C2orf42: variants seen among roughly 807,000 people sequenced by gnomAD.
The protein encoded by C2orf42 is uncharacterized protein C2orf42.
Under a neutral mutation model 58.9 loss-of-function variants are expected in C2orf42, and 44 were observed. The observed-to-expected ratio is 0.75, with a 90% CI of 0.59 to 0.96. The LOEUF (loss-of-function observed/expected upper bound fraction) is 0.96. C2orf42 is among the 40% of genes least tolerant of loss of function. C2orf42 has a pLI of 0.00. For missense variants in C2orf42, 630 were observed against 699.2 expected, an observed-to-expected ratio of 0.90 and a Z score of 1.12; for synonymous variants, 239 against 265.4, an observed-to-expected ratio of 0.90 and a Z score of 0.97.
intron 9 of C2orf42, among the ~76,000 whole-genome samples, chr2:70,154,084 C>A (rs1404905932): frequency 4.1e-4 from 56 of 137,468 alleles, no homozygotes; most frequent in African/African-American, 1.2e-3. Context: ...AAAAAAAAAA[C>A]ACAGAAATTT....
intron 9 of C2orf42, among the ~76,000 whole-genome samples, chr2:70,160,365 ACTC>A (rs1341577894): frequency 6.6e-6 from 1 of 151,514 alleles, no homozygotes; most frequent in Admixed American, 6.6e-5. Flanking sequence ...TGGTCTCAAA[ACTC>A]CTAACGTCAA....
intron 9 of C2orf42, among the ~76,000 whole-genome samples, chr2:70,155,777 G>A (rs1672628301): frequency 6.6e-6 from 1 of 150,828 alleles, no homozygotes; most frequent in Non-Finnish European, 1.5e-5. Context: ...TCCAGCCTGG[G>A]TGACAGAGTG....
In C2orf42 at chr2:70,173,267, C is replaced by CTTTT. The variant is rs202063318; in HGVS notation, c.1039+2402_1039+2405dup. On this transcript the variant is annotated intron_variant, in intron 5 of 9. Coordinates refer to ENST00000264434, the MANE Select transcript of C2orf42 (RefSeq NM_017880.3). ...CCTAGAATGCCTAAGTGCGTAAGTT[C>CTTTT]TTTTTTTTTTTTTTTTTTTTTTTTG... 3.6e-3 allele frequency among the ~76,000 whole-genome samples: 345 copies of CTTTT among 95,722 alleles called. 13 individuals carry two copies. Among genetic ancestry groups the CTTTT allele is most frequent in the African/African-American group, 0.012 (256 of 21,396 alleles). The allele number at this position is 95,722 out of a possible 152,430, so 62.8% of individuals were successfully genotyped here. A position where few individuals can be genotyped will look rare whatever the true frequency, so the allele number is the denominator to read the frequency against.
Position 70,150,539 on chromosome 2 carries a change from C to G in C2orf42, c.1542G>C (p.Glu514Asp). The change falls in exon 10 of 10, where the codon GAG becomes GAC. Residue 514 changes from glutamate to aspartate, a missense_variant. Physicochemically the swap from Glu to Asp is conservative, Grantham distance 45. Transcript: ENST00000264434. ...KVGNTSPDQK[E>D]PTPFIIEWIP... is the part of the protein sequence containing the mutation. ...TCCACTCGATGATGAAAGGTGTTGG[C>G]TCCTTTTGATCTGGGGAAGTGTTGC... The G allele has an allele frequency of 6.2e-7, 1 of 1,613,830 alleles. No homozygotes were observed.
At chr2:70,189,551 A>G (rs1261551308) in intron 1 of C2orf42, among the ~76,000 whole-genome samples, 1 of 146,522 alleles carries the variant, frequency 6.8e-6, no homozygotes, top group Non-Finnish European at 1.5e-5. Flanking sequence ...CCCTGTCTCT[A>G]CTAAAAATAC....
intron 1 of C2orf42, among the ~76,000 whole-genome samples, chr2:70,185,756 C>CACAT (rs1454154293): frequency 6.6e-6 from 1 of 150,942 alleles, no homozygotes; most frequent in Non-Finnish European, 1.5e-5. Context: ...AACACACACA[C>CACAT]ACATACATAT....
Position 70,165,187 on chromosome 2 carries a change from CA to C in C2orf42, c.1257del (p.Phe419LeufsTer29). ...CCCAGTGGCAAGGCATCTTTCCGAA[CA>C]AAAGCTTCAACGTGAAAAAAGGACA... ...KKRLPNSTTA[F>X]VRKDALPLGT... On this transcript the variant is annotated frameshift_variant, in exon 8 of 10. Coordinates refer to ENST00000264434, the MANE Select transcript of C2orf42 (RefSeq NM_017880.3). LOFTEE classifies it high-confidence loss of function. The C allele has an allele frequency of 6.3e-7, 1 of 1,593,230 alleles. No homozygotes were observed. The highest frequency in any genetic ancestry group is 8.6e-7 in the Non-Finnish European group (1 of 1,165,484).
Position 70,181,274 on chromosome 2 carries a change from T to C in C2orf42, c.712A>G (p.Lys238Glu), listed in dbSNP as rs1573029445. 2.5e-6 allele frequency: 4 copies of C among 1,613,720 alleles called. No individual in the cohort carries two copies. Among genetic ancestry groups the C allele is most frequent in the Non-Finnish European group, 2.5e-6 (3 of 1,179,676 alleles). The change falls in exon 3 of 10, where the codon AAG (lysine) becomes GAG (glutamate). Residue 238 changes from lysine to glutamate, a missense_variant. Coordinates refer to ENST00000264434, the MANE Select transcript of C2orf42 (RefSeq NM_017880.3). Reference protein sequence around the residue: ...TLKSHKSNASKDETAQRCIHF... With the variant: ...TLKSHKSNASEDETAQRCIHF... The stretch of plus-strand genomic sequence containing the variant: ...ATGCATCTCTGGGCTGTCTCATCCT[T>C]GGAGGCATTTGACTTGTGCGATTTC...
At chr2:70,163,769 G>C (rs1673215337) in intron 8 of C2orf42, among the ~76,000 whole-genome samples, 1 of 152,042 alleles carries the variant, frequency 6.6e-6, no homozygotes, top group South Asian at 2.1e-4. Flanking sequence ...AGAACTGCTT[G>C]AACCTGGGAG....
At chr2:70,153,890 T>C (rs1299287353) in intron 9 of C2orf42, among the ~76,000 whole-genome samples, 4 of 150,152 alleles carry the variant, frequency 2.7e-5, no homozygotes, top group Middle Eastern at 3.3e-3. Context: ...AAACCCCGTC[T>C]TTACTAAAAA....
At chr2:70,158,611 A>T (rs1468378648) in intron 9 of C2orf42, among the ~76,000 whole-genome samples, 1 of 151,958 alleles carries the variant, frequency 6.6e-6, no homozygotes, top group African/African-American at 2.4e-5. Context: ...CACCACACCC[A>T]GCTAATGTTT....
At position 70,160,788 on chromosome 2, in the gene C2orf42, C is replaced by A; in HGVS notation, c.1354-1G>T. On this transcript the variant is annotated splice_acceptor_variant, in intron 8 of 9. Transcript: ENST00000264434. LOFTEE classifies it high-confidence loss of function. ...AGCTACGGGTGATTTCCAAGGGCAT[C>A]TGGACACCAAGACAATACCAAAAAA... is the stretch of plus-strand genomic sequence containing the variant. The A allele has an allele frequency of 6.3e-7, 1 of 1,587,750 alleles. No individual in the cohort carries two copies. Among genetic ancestry groups the A allele is most frequent in the Non-Finnish European group, 8.5e-7 (1 of 1,170,960 alleles).
At position 70,177,172 on chromosome 2, in the gene C2orf42, C is replaced by A. The variant is rs942334776; in HGVS notation, c.935-1395G>T. ...CTGTAATCACAGCTACTTAGGAGAC[C>A]GAGGCAGGAGAATCACTTGAACCCG... On this transcript the variant is annotated intron_variant, in intron 4 of 9. Transcript: ENST00000264434. Among the ~76,000 whole-genome samples, 7 of 151,564 alleles carry A rather than the reference C, an allele frequency of 4.6e-5. No individual in the cohort carries two copies. The East Asian group carries it at 1.4e-3, about 29-fold the overall frequency.
Position 70,150,444 on chromosome 2 carries a change from T to C in C2orf42, c.1637A>G (p.Asn546Ser). The C allele has an allele frequency of 6.2e-7, 1 of 1,614,160 alleles. No individual in the cohort carries two copies. Among genetic ancestry groups the C allele is most frequent in the Non-Finnish European group, 8.5e-7 (1 of 1,180,004 alleles). The change falls in exon 10 of 10, where the codon AAT becomes AGT. Residue 546 changes from asparagine to serine, a missense_variant. Coordinates refer to ENST00000264434, the MANE Select transcript of C2orf42 (RefSeq NM_017880.3). ...GTCTTGGTACTCCGCCACATGCCCA[T>C]TCCGGTGGTGGCCATACTCAAACTT... ...RIKFEYGHHR[N>S]GHVAEYQDQR...
chr2:70,151,966 A>G (rs1284762119), intron 9 of C2orf42, among the ~76,000 whole-genome samples: 1 of 151,962 alleles, frequency 6.6e-6, no homozygotes, highest in Non-Finnish European at 1.5e-5. Flanking sequence ...TAGTAGAGAC[A>G]GGGTTTCAGC....
intron 5 of C2orf42, among the ~76,000 whole-genome samples, chr2:70,171,042 G>C (rs1249217472): frequency 1.3e-5 from 2 of 152,002 alleles, no homozygotes; most frequent in Admixed American, 1.3e-4. Flanking sequence ...ATGAACCCGG[G>C]AGGCGGAGCT....
chr2:70,190,280 G>A (rs1390764962), intron 1 of C2orf42: 1 of 152,174 alleles, frequency 6.6e-6, no homozygotes, highest in Admixed American at 6.6e-5. Context: ...GCGTTAACCC[G>A]CGATGGGTTT....
At chr2:70,185,360 A>T (rs945436489) in intron 1 of C2orf42, among the ~76,000 whole-genome samples, 6 of 151,968 alleles carry the variant, frequency 3.9e-5, no homozygotes, top group Non-Finnish European at 8.8e-5. Context: ...GTGAGCTGAG[A>T]TCACGCCATT....
At chr2:70,186,210 T>C (rs1394219079) in intron 1 of C2orf42, among the ~76,000 whole-genome samples, 2 of 151,986 alleles carry the variant, frequency 1.3e-5, no homozygotes, top group Non-Finnish European at 2.9e-5. Context: ...AGTTTGCTTT[T>C]TACCATGAAC....
Sources: allele counts gnomAD v4.1 joint callset (sites outside exome capture counted in the v4.1 genomes callset), GRCh38; gene constraint gnomAD v4.1.1; transcripts MANE v1.5; gene names NCBI Gene and HGNC (gene_info 2026-07-23, HGNC 2026-07-21).